The following ADGRV1 variants were observed in gnomAD, a reference collection of about 807,000 sequenced individuals.
ADGRV1 encodes G-protein coupled receptor 98.
In ADGRV1, 359 loss-of-function variants were observed where a neutral mutation model predicts 596.2. The observed-to-expected ratio is 0.60, with a 90% CI of 0.55 to 0.66. ADGRV1 has a LOEUF of 0.66. Ranked by LOEUF, ADGRV1 falls within the 30% of genes least tolerant of loss-of-function variation. ADGRV1 has a pLI of 0.00. For synonymous variants in ADGRV1, 2,681 were observed against 2,679.2 expected, an observed-to-expected ratio of 1.00 and a Z score of -0.02; for missense variants, 7,274 against 7,575.6, an observed-to-expected ratio of 0.96 and a Z score of 1.48.
In ADGRV1 at chr5:90,683,703, A is replaced by C. The variant is rs772880362; in HGVS notation, c.5782A>C (p.Ser1928Arg). 3 of 1,613,912 alleles carry C rather than the reference A, an allele frequency of 1.9e-6. No individual in the cohort carries two copies. The East Asian group carries it at 6.7e-5, about 36-fold the overall frequency. Residue 1928 changes from serine (S) to arginine (R), a missense_variant, in exon 28 of 90, where the codon AGC becomes CGC. Physicochemically the swap from Ser to Arg is moderately radical, Grantham distance 110 (BLOSUM62 -1). Around this residue, in one of 5 missense-constraint regions of ADGRV1, gnomAD observed 3,643 missense variants for 3,809.2 expected, o/e 0.96. Coordinates refer to ENST00000405460, the MANE Select transcript of ADGRV1 (RefSeq NM_032119.4). ...GNITFEIGQT[S>R]ANITVEILPD... ...CATCACATTTGAGATTGGGCAGACG[A>C]GCGCCAATATCACTGTGGAGATATT...
intron 86 of ADGRV1, among the ~76,000 whole-genome samples, chr5:91,075,046 T>C (rs535507165): frequency 6.6e-6 from 1 of 152,302 alleles, no homozygotes; most frequent in Non-Finnish European, 1.5e-5. Flanking sequence ...GGTTTTTGCC[T>C]GTTCATTTGT....
chr5:90,883,546 A>G (rs2150552182), intron 83 of ADGRV1, among the ~76,000 whole-genome samples: 1 of 152,206 alleles, frequency 6.6e-6, no homozygotes, highest in South Asian at 2.1e-4. Flanking sequence ...CAGCTTCTGA[A>G]TATAACTTGG....
At chr5:90,831,727 C>T (rs947169874) in intron 77 of ADGRV1, among the ~76,000 whole-genome samples, 3 of 152,110 alleles carry the variant, frequency 2.0e-5, no homozygotes, top group South Asian at 2.1e-4. Flanking sequence ...GCCCCACCGC[C>T]ACCACCTTCT....
chr5:90,692,771 T>G lies in ADGRV1; in HGVS notation c.7118T>G (p.Ile2373Arg), dbSNP rs779248889. The G allele has an allele frequency of 6.3e-7, 1 of 1,598,498 alleles. No individual in the cohort carries two copies. The highest frequency in any genetic ancestry group is 8.5e-7 in the Non-Finnish European group (1 of 1,172,380). ...EPLERSSCAN[I>R]TVRRSGGHFG... is the part of the protein sequence containing the mutation. ...CTGGAAAGAAGTTCCTGTGCTAATA[T>G]AACTGTCAGGCGAAGGTATATGAGA... Residue 2373 changes from isoleucine to arginine, a missense_variant, in exon 32 of 90, where the codon ATA (isoleucine) becomes AGA (arginine). Ile to Arg is a moderately conservative substitution (Grantham distance 97, BLOSUM62 -3). This residue lies in a region of ADGRV1 where 3,643 missense variants were observed against 3,809.2 expected (regional missense o/e 0.96). Transcript: ENST00000405460.
chr5:90,916,861 T>G (rs923705978), intron 83 of ADGRV1, among the ~76,000 whole-genome samples: 1 of 151,944 alleles, frequency 6.6e-6, no homozygotes, highest in Admixed American at 6.6e-5. Flanking sequence ...CTCGATCTCC[T>G]GACCTCGTGA....
chr5:90,973,913 T>A (rs1368851618), intron 84 of ADGRV1, among the ~76,000 whole-genome samples: 1 of 152,174 alleles, frequency 6.6e-6, no homozygotes, highest in Non-Finnish European at 1.5e-5. Context: ...AGTCAAATTG[T>A]CCCTGTTTGC....
chr5:90,719,964 T>C, intron 43 of ADGRV1, 84 bp from the exon 44 acceptor site: 2 of 1,012,684 alleles, frequency 2.0e-6, no homozygotes, highest in South Asian at 2.9e-5. Context: ...TATTTTGTTG[T>C]CAGAAATGTT....
chr5:90,720,853 A>G (rs989332889), intron 44 of ADGRV1, 82 bp from the exon 45 acceptor site: 2 of 1,139,648 alleles, frequency 1.8e-6, no homozygotes, highest in African/African-American at 3.4e-5. Context: ...TGTATTAAGT[A>G]TATGCTAGCA....
At position 90,725,577 on chromosome 5, in the gene ADGRV1, C is replaced by G; in HGVS notation, c.10082C>G (p.Ser3361Cys). 6.3e-7 allele frequency: 1 copy of G among 1,577,332 alleles called. No homozygotes were observed. The highest frequency in any genetic ancestry group is 8.7e-7 in the Non-Finnish European group (1 of 1,147,354). Residue 3361 changes from serine (S) to cysteine (C), a missense_variant, in exon 48 of 90, where the codon TCT (serine) becomes TGT (cysteine). By Grantham distance (112) the Ser-to-Cys change is moderately radical (BLOSUM62 -1). Transcript: ENST00000405460. ...LVQTIIILES[S>C]QVRYFTSDSQ... ...CAAACAATCATTATTCTGGAAAGTT[C>G]TCAAGTAAGATATTTTACTTCAGAC...
chr5:90,729,338 G>T (rs1344688043), intron 49 of ADGRV1, among the ~76,000 whole-genome samples: 1 of 152,082 alleles, frequency 6.6e-6, no homozygotes, highest in African/African-American at 2.4e-5. Flanking sequence ...AGGAAAATTT[G>T]CTTTCTGCTG....
intron 85 of ADGRV1, among the ~76,000 whole-genome samples, chr5:91,001,098 T>C (rs1781820605): frequency 6.6e-6 from 1 of 152,164 alleles, no homozygotes. Context: ...CTTTTATTTT[T>C]GAGACAGGGT....
chr5:91,096,785 A>G (rs1450468432), intron 86 of ADGRV1, among the ~76,000 whole-genome samples: 2 of 152,182 alleles, frequency 1.3e-5, no homozygotes, highest in East Asian at 1.9e-4. Flanking sequence ...TACACTGACA[A>G]TGTTGTGCAA....
Position 90,699,005 on chromosome 5 carries a change from A to G in ADGRV1, c.8155+1859A>G, listed in dbSNP as rs142333223. ...TTTTAAAGGAGTATTGGGGATAGGA[A>G]GCAAATATCTAAGGATGACAAACAT... On this transcript the variant is annotated intron_variant, in intron 34 of 89. Transcript: ENST00000405460. 1.4e-3 allele frequency among the ~76,000 whole-genome samples: 216 copies of G among 152,228 alleles called. 1 individual carries two copies. Among genetic ancestry groups the G allele is most frequent in the African/African-American group, 4.6e-3 (192 of 41,534 alleles).
rs759924919 is a variant in ADGRV1, at chr5:90,763,465, A to T, written c.12281A>T (p.Asp4094Val). 6.2e-7 allele frequency: 1 copy of T among 1,612,018 alleles called. No homozygotes were observed. Among genetic ancestry groups the T allele is most frequent in the Admixed American group, 1.7e-5 (1 of 59,980 alleles). The change falls in exon 59 of 90, where the codon GAT becomes GTT. Residue 4094 changes from aspartate to valine, a missense_variant. Coordinates refer to ENST00000405460, the MANE Select transcript of ADGRV1 (RefSeq NM_032119.4). The part of the protein sequence containing the change: ...LSPLNGTLHF[D>V]ETESQKTIVL... ...CCTTTGAATGGGACCCTTCATTTTG[A>T]TGAGGTATAGTCAGCATTAGCACTC...
intron 53 of ADGRV1, 56 bp from the exon 54 acceptor site, chr5:90,753,518 T>C (rs1377415300): frequency 7.7e-7 from 1 of 1,291,300 alleles, no homozygotes; most frequent in East Asian, 2.3e-5. Flanking sequence ...TAAAATATTC[T>C]TACTACATAG....
At chr5:90,911,845 A>G (rs998469123) in intron 83 of ADGRV1, among the ~76,000 whole-genome samples, 4 of 152,152 alleles carry the variant, frequency 2.6e-5, no homozygotes, top group African/African-American at 9.7e-5. Context: ...TGATTAAAGT[A>G]GAAACTGTCA....
At chr5:90,798,327 G>T (rs899374240) in intron 70 of ADGRV1, among the ~76,000 whole-genome samples, 4 of 152,172 alleles carry the variant, frequency 2.6e-5, no homozygotes, top group African/African-American at 4.8e-5. Flanking sequence ...AAATCTAGAA[G>T]AAATGGATAA....
chr5:90,589,607 T>A (rs997384373), intron 1 of ADGRV1, among the ~76,000 whole-genome samples: 1 of 152,216 alleles, frequency 6.6e-6, no homozygotes, highest in African/African-American at 2.4e-5. Flanking sequence ...ATTTGACATG[T>A]ATGAAACATG....
chr5:90,916,726 G>A (rs949549197), intron 83 of ADGRV1, among the ~76,000 whole-genome samples: 11 of 139,438 alleles, frequency 7.9e-5, no homozygotes, highest in African/African-American at 2.4e-4. Flanking sequence ...TCCGCCTCCC[G>A]GGTTCACGCC....
Sources: allele counts gnomAD v4.1 joint callset (sites outside exome capture counted in the v4.1 genomes callset), GRCh38; gene constraint gnomAD v4.1.1; regional missense constraint gnomAD v4.1.1; transcripts MANE v1.5; gene names NCBI Gene and HGNC (gene_info 2026-07-23, HGNC 2026-07-21).